GALNT18: variants seen among roughly 807,000 people sequenced by gnomAD.
GALNT18 encodes the protein GalNAc-transferase 18.
GALNT18 carries 44 observed loss-of-function variants against 69.5 expected under a neutral mutation model. The observed-to-expected ratio is 0.63, with a 90% confidence interval of 0.50 to 0.81. The LOEUF (loss-of-function observed/expected upper bound fraction) is 0.81. Ranked by LOEUF, GALNT18 falls within the 40% of genes least tolerant of loss-of-function variation. The pLI is 0.00. For synonymous variants in GALNT18, 364 were observed against 318.2 expected, an observed-to-expected ratio of 1.14 and a Z score of -1.53; for missense variants, 715 against 810.0, an observed-to-expected ratio of 0.88 and a Z score of 1.42.
At chr11:11,416,765 T>C (rs2133766579) in intron 3 of GALNT18, among the ~76,000 whole-genome samples, 1 of 152,224 alleles carries the variant, frequency 6.6e-6, no homozygotes, top group Non-Finnish European at 1.5e-5. Flanking sequence ...TCACAGGCAG[T>C]GCAGGAAGAG....
rs186032608 is a variant in GALNT18 at position 11,281,374 on chromosome 11, A to C, written c.1678-10084T>G. ...GAGGACTGATAGGAATCCGTTTATC[A>C]GCTATAAACCGTACGGATCGGAGGA... is the stretch of plus-strand genomic sequence containing the variant. On this transcript the variant is annotated intron_variant, in intron 10 of 10. Coordinates refer to ENST00000227756, the MANE Select transcript of GALNT18 (RefSeq NM_198516.3). 7.8e-3 allele frequency among the ~76,000 whole-genome samples: 1,186 copies of C among 152,298 alleles called. 13 individuals carry two copies. Among genetic ancestry groups the C allele is most frequent in the Non-Finnish European group, 9.6e-3 (655 of 68,032 alleles).
chr11:11,512,780 G>A (rs538658127), intron 1 of GALNT18, among the ~76,000 whole-genome samples: 2 of 152,270 alleles, frequency 1.3e-5, no homozygotes, highest in African/African-American at 4.8e-5. Flanking sequence ...ACCATGCTCT[G>A]CTACTCTCCT....
chr11:11,336,656 A>T (rs981700694), intron 7 of GALNT18, among the ~76,000 whole-genome samples: 3 of 152,330 alleles, frequency 2.0e-5, no homozygotes, highest in East Asian at 1.9e-4. Flanking sequence ...GGGCATAGCT[A>T]TCTCAGAGGC....
chr11:11,376,164 C>A (rs1377473523), intron 5 of GALNT18, among the ~76,000 whole-genome samples: 1 of 152,020 alleles, frequency 6.6e-6, no homozygotes, highest in Non-Finnish European at 1.5e-5. Context: ...GGGTAGATCA[C>A]GAGGTCAGGA....
At chr11:11,424,403 G>A (rs2133780398) in intron 3 of GALNT18, among the ~76,000 whole-genome samples, 1 of 152,316 alleles carries the variant, frequency 6.6e-6, no homozygotes, top group Non-Finnish European at 1.5e-5. Flanking sequence ...AGCACTTCCT[G>A]GCTATGTGGC....
At chr11:11,379,940 C>CTGA (rs1305519454) in intron 3 of GALNT18, among the ~76,000 whole-genome samples, 1 of 152,232 alleles carries the variant, frequency 6.6e-6, no homozygotes, top group Non-Finnish European at 1.5e-5. Context: ...CCCCCTGAAC[C>CTGA]CTCAGCAAGA....
At chr11:11,407,333 C>T (rs1400914604) in intron 3 of GALNT18, among the ~76,000 whole-genome samples, 4 of 152,156 alleles carry the variant, frequency 2.6e-5, no homozygotes, top group African/African-American at 9.7e-5. Context: ...GCTGAAAGCA[C>T]CCTCCAATCA....
At position 11,281,750 on chromosome 11, in the gene GALNT18, C is replaced by T. The variant is rs562767065; in HGVS notation, c.1678-10460G>A. On this transcript the variant is annotated intron_variant, in intron 10 of 10. Transcript: ENST00000227756. ...CTCAGCACCCTAGAGACTAGAAGTG[C>T]GGTGACCCTGGGCATTGGCTGCCTG... Among the ~76,000 whole-genome samples, 12 of 152,100 alleles carry T rather than the reference C, an allele frequency of 7.9e-5. No homozygotes were observed. The South Asian group carries it at 1.2e-3, about 16-fold the overall frequency.
At chr11:11,610,972 G>C (rs560318092) in intron 1 of GALNT18, among the ~76,000 whole-genome samples, 11 of 152,304 alleles carry the variant, frequency 7.2e-5, no homozygotes, top group South Asian at 4.1e-4. Context: ...AACTGCAATA[G>C]AGAAACCAGA....
At chr11:11,325,857 G>A (rs1590038660) in intron 9 of GALNT18, among the ~76,000 whole-genome samples, 5 of 152,046 alleles carry the variant, frequency 3.3e-5, no homozygotes, top group Admixed American at 3.3e-4. Context: ...CAGCAACTCA[G>A]TCCCCAAAAA....
chr11:11,285,648 G>C (rs984915588), intron 10 of GALNT18, among the ~76,000 whole-genome samples: 1 of 152,142 alleles, frequency 6.6e-6, no homozygotes, highest in Non-Finnish European at 1.5e-5. Context: ...GACATGAAAG[G>C]CTGTTTTATT....
At chr11:11,359,945 C>T (rs184873504) in intron 6 of GALNT18, among the ~76,000 whole-genome samples, 99 of 152,264 alleles carry the variant, frequency 6.5e-4, no homozygotes, top group African/African-American at 2.3e-3. Context: ...ATGGACCTCA[C>T]AGGGATCGTA....
chr11:11,553,000 T>C (rs1173288177), intron 1 of GALNT18, among the ~76,000 whole-genome samples: 2 of 152,048 alleles, frequency 1.3e-5, no homozygotes, highest in Non-Finnish European at 2.9e-5. Flanking sequence ...CTTACTTGGG[T>C]GAGTTTAATC....
chr11:11,453,203 A>G (rs943016280), intron 1 of GALNT18, among the ~76,000 whole-genome samples: 3 of 152,164 alleles, frequency 2.0e-5, no homozygotes, highest in East Asian at 1.9e-4. Context: ...GGGAGCCCCA[A>G]GTACGGCCTG....
In GALNT18 at chr11:11,598,103, C is replaced by T. The variant is rs2133940929; in HGVS notation, c.235+23256G>A. Among the ~76,000 whole-genome samples the T allele has an allele frequency of 6.6e-6, 1 of 152,160 alleles. No individual in the cohort carries two copies. Among genetic ancestry groups the T allele is most frequent in the South Asian group, 2.1e-4 (1 of 4,808 alleles). On this transcript the variant is annotated intron_variant, in intron 1 of 10. Coordinates refer to ENST00000227756, the MANE Select transcript of GALNT18 (RefSeq NM_198516.3). The surrounding 1 kb of genome is among the most constrained non-coding windows in gnomAD (Gnocchi z 4.8). Reference sequence around the variant, plus strand: ...CCATTTATTTCAGTGCTAATCCTTACCTTTCTTCCACTTGCTTTAGGTTTA... The same window carrying T: ...CCATTTATTTCAGTGCTAATCCTTATCTTTCTTCCACTTGCTTTAGGTTTA...
intron 1 of GALNT18, among the ~76,000 whole-genome samples, chr11:11,491,287 A>T (rs1361727230): frequency 1.3e-5 from 2 of 152,234 alleles, no homozygotes; most frequent in South Asian, 2.1e-4. Context: ...AACAGGTGTC[A>T]AAAAAGATAT....
intron 8 of GALNT18, among the ~76,000 whole-genome samples, chr11:11,329,258 C>A (rs1015850607): frequency 6.6e-6 from 1 of 152,178 alleles, no homozygotes; most frequent in Non-Finnish European, 1.5e-5. Context: ...ATTGCTGTAA[C>A]CTTCCTCAAA....
intron 1 of GALNT18, among the ~76,000 whole-genome samples, chr11:11,552,412 A>G (rs1441796784): frequency 6.6e-6 from 1 of 152,256 alleles, no homozygotes; most frequent in Non-Finnish European, 1.5e-5. Flanking sequence ...AAAAAGACCA[A>G]GAGCTTCTGG....
At chr11:11,534,393 CTCTTA>C (rs1857726050) in intron 1 of GALNT18, among the ~76,000 whole-genome samples, 1 of 152,246 alleles carries the variant, frequency 6.6e-6, no homozygotes, top group Non-Finnish European at 1.5e-5. Flanking sequence ...TTTTGTCTCA[CTCTTA>C]TCTTGAGTAA....
Sources: allele counts gnomAD v4.1 joint callset (sites outside exome capture counted in the v4.1 genomes callset), GRCh38; gene constraint gnomAD v4.1.1; non-coding constraint Gnocchi (gnomAD v3.1); transcripts MANE v1.5; gene names NCBI Gene and HGNC (gene_info 2026-07-23, HGNC 2026-07-21).